SNTG1: variants seen among roughly 807,000 people sequenced by gnomAD.
The protein encoded by SNTG1 is syntrophin gamma 1, also known as gamma-1-syntrophin.
Under a neutral mutation model 74.7 loss-of-function variants are expected in SNTG1, and 39 were observed. The ratio of observed to expected loss-of-function variants is 0.52; its 90% CI spans 0.40 to 0.68. The LOEUF is 0.68. Among genes scored for constraint, SNTG1 ranks in the 30% least tolerant of loss-of-function variants. SNTG1 has a pLI of 0.00. For missense variants in SNTG1, 685 were observed against 609.5 expected (o/e 1.12, Z -1.30); for synonymous variants, 254 against 217.1 (o/e 1.17, Z -1.49).
chr8:50,617,766 A>T (rs889054242), intron 13 of SNTG1, among the ~76,000 whole-genome samples: 1 of 152,186 alleles, frequency 6.6e-6, no homozygotes, highest in Non-Finnish European at 1.5e-5. Context: ...CAGTAATTAG[A>T]TCGGAACAAA....
Position 50,378,401 on chromosome 8 carries a change from T to C in SNTG1, c.-27-15811T>C, listed in dbSNP as rs542766722. 2.0e-5 allele frequency among the ~76,000 whole-genome samples: 3 copies of C among 152,290 alleles called. No individual in the cohort carries two copies. In the South Asian group the frequency reaches 6.2e-4, roughly 32 times the overall value. The stretch of plus-strand genomic sequence containing the variant: ...CTGAAGGGCCACAGCTCTTCCCTCC[T>C]TCTCTTCGCCTGCAACATGATGAGC... On this transcript the variant is annotated intron_variant, in intron 2 of 18. Transcript: ENST00000642720.
intron 1 of SNTG1, among the ~76,000 whole-genome samples, chr8:50,027,078 A>G (rs929463895): frequency 2.6e-5 from 4 of 152,064 alleles, no homozygotes; most frequent in African/African-American, 9.7e-5. Context: ...CCTACACACC[A>G]TTAGGGATTG....
At chr8:50,153,184 C>A (rs1316269307) in intron 1 of SNTG1, among the ~76,000 whole-genome samples, 1 of 152,114 alleles carries the variant, frequency 6.6e-6, no homozygotes, top group African/African-American at 2.4e-5. Context: ...CCCTTTCTTC[C>A]ACTTGATCGA....
In SNTG1 at chr8:50,005,564, TA is replaced by T. The variant is rs1312661105; in HGVS notation, c.-103+93338del. Among the ~76,000 whole-genome samples, 4 of 152,242 alleles carry T rather than the reference TA, an allele frequency of 2.6e-5. No homozygotes were observed. The Middle Eastern group carries it at 0.01, about 388-fold the overall frequency. On this transcript the variant is annotated intron_variant, in intron 1 of 18. Transcript: ENST00000642720. ...AAATAGAATTTTATTGAAAATAAACTAAAAATATGCAATAAGGGTTACTATA... is the reference window on the plus strand; with the variant it reads ...AAATAGAATTTTATTGAAAATAAACTAAAATATGCAATAAGGGTTACTATA...
At chr8:50,751,945 A>G in intron 17 of SNTG1, 56 bp from the exon 18 acceptor site, 2 of 1,037,202 alleles carry the variant, frequency 1.9e-6, no homozygotes, top group Non-Finnish European at 1.4e-6. Context: ...CTATTTCTTG[A>G]TTTGAAAGCA....
chr8:50,354,589 T>C (rs533511376), intron 2 of SNTG1, among the ~76,000 whole-genome samples: 5 of 152,220 alleles, frequency 3.3e-5, no homozygotes, highest in African/African-American at 1.2e-4. Context: ...TCTTCTGTTA[T>C]ATTAGTTTTT....
In SNTG1 at chr8:49,920,841, G is replaced by A. The variant is rs377135273; in HGVS notation, c.-103+8610G>A. ...CTAATTGGGTGAAGGTTAGAAATTA[G>A]CCTATTAAAACTAAATGACTAGATG... On this transcript the variant is annotated intron_variant, in intron 1 of 18. Coordinates refer to ENST00000642720, the MANE Select transcript of SNTG1 (RefSeq NM_018967.5). 3.4e-4 allele frequency among the ~76,000 whole-genome samples: 52 copies of A among 152,234 alleles called. 1 individual carries two copies. In the East Asian group the frequency reaches 5.8e-3, roughly 17 times the overall value.
chr8:50,391,240 G>A (rs775134833), intron 2 of SNTG1, among the ~76,000 whole-genome samples: 133 of 152,226 alleles, frequency 8.7e-4, no homozygotes, highest in Non-Finnish European at 1.6e-3. Flanking sequence ...TTTGAGATAT[G>A]TCCCATCGAT....
chr8:50,145,918 A>T (rs2081845846), intron 1 of SNTG1, among the ~76,000 whole-genome samples: 2 of 151,740 alleles, frequency 1.3e-5, no homozygotes, highest in African/African-American at 4.8e-5. Flanking sequence ...AAATATATAG[A>T]TGACTTGAAC....
At chr8:50,358,888 T>C (rs192509782) in intron 2 of SNTG1, among the ~76,000 whole-genome samples, 3 of 152,314 alleles carry the variant, frequency 2.0e-5, no homozygotes. Flanking sequence ...AAATTGTCAT[T>C]TCTTATTGTT....
chr8:50,218,717 C>T (rs1461919310), intron 2 of SNTG1, among the ~76,000 whole-genome samples: 2 of 152,132 alleles, frequency 1.3e-5, no homozygotes, highest in African/African-American at 2.4e-5. Context: ...TATAATCAGA[C>T]ATCTAATTCC....
At chr8:50,040,539 G>T (rs937059161) in intron 1 of SNTG1, among the ~76,000 whole-genome samples, 4 of 152,142 alleles carry the variant, frequency 2.6e-5, no homozygotes, top group Non-Finnish European at 5.9e-5. Context: ...TTAAGCCAAT[G>T]CAGGGATTAT....
intron 2 of SNTG1, among the ~76,000 whole-genome samples, chr8:50,211,282 T>C (rs1238238417): frequency 6.6e-6 from 1 of 152,176 alleles, no homozygotes; most frequent in Non-Finnish European, 1.5e-5. Flanking sequence ...TGAAAATTAT[T>C]TTTAATATCT....
intron 2 of SNTG1, among the ~76,000 whole-genome samples, chr8:50,254,651 G>T: frequency 6.6e-6 from 1 of 152,202 alleles, no homozygotes; most frequent in Non-Finnish European, 1.5e-5. Flanking sequence ...CTTGAGGCCA[G>T]GCTGGCCAAC....
intron 12 of SNTG1, among the ~76,000 whole-genome samples, chr8:50,574,241 TGAA>T (rs2130780525): frequency 6.6e-6 from 1 of 152,238 alleles, no homozygotes; most frequent in African/African-American, 2.4e-5. Flanking sequence ...AAACAGAATA[TGAA>T]GATTATTTTC....
chr8:50,335,035 A>C (rs888081053), intron 2 of SNTG1, among the ~76,000 whole-genome samples: 2 of 152,220 alleles, frequency 1.3e-5, no homozygotes, highest in Non-Finnish European at 2.9e-5. Flanking sequence ...TAGGTAGTCA[A>C]TATATATCCG....
At chr8:50,221,853 G>A (rs2085086585) in intron 2 of SNTG1, among the ~76,000 whole-genome samples, 1 of 152,168 alleles carries the variant, frequency 6.6e-6, no homozygotes, top group South Asian at 2.1e-4. Context: ...AATTGCAATA[G>A]AGACAGTGTT....
At chr8:50,390,157 C>G (rs1031980060) in intron 2 of SNTG1, among the ~76,000 whole-genome samples, 2 of 151,592 alleles carry the variant, frequency 1.3e-5, no homozygotes, top group Non-Finnish European at 2.9e-5. Context: ...AAGTCCTTGT[C>G]CATGCCTATG....
intron 2 of SNTG1, among the ~76,000 whole-genome samples, chr8:50,242,433 C>G (rs1386025798): frequency 6.7e-6 from 1 of 148,554 alleles, no homozygotes; most frequent in South Asian, 2.1e-4. Context: ...GAGGCTGAAG[C>G]AGGAGAATCA....
Sources: allele counts gnomAD v4.1 joint callset (sites outside exome capture counted in the v4.1 genomes callset), GRCh38; gene constraint gnomAD v4.1.1; transcripts MANE v1.5; gene names NCBI Gene and HGNC (gene_info 2026-07-23, HGNC 2026-07-21).